Variants in FBXO28 observed in about 807,000 individuals in gnomAD.
The protein encoded by FBXO28 is F-box only protein 28.
FBXO28 carries 8 observed loss-of-function variants against 38.1 expected under a neutral mutation model. The observed-to-expected ratio is 0.21, with a 90% CI of 0.12 to 0.38. The LOEUF is 0.38. FBXO28 is among the 10% of genes least tolerant of loss of function. The pLI is 1.00. For synonymous variants in FBXO28, 168 were observed against 173.8 expected, an observed-to-expected ratio of 0.97 and a Z score of 0.26; for missense variants, 345 against 460.6, an observed-to-expected ratio of 0.75 and a Z score of 2.30.
At chr1:224,150,071 C>T (rs1312809878) in intron 3 of FBXO28, among the ~76,000 whole-genome samples, 1 of 120,320 alleles carries the variant, frequency 8.3e-6, no homozygotes, top group Non-Finnish European at 1.8e-5. Context: ...TGCCTGTAAT[C>T]CCAGCACTTT....
At position 224,133,553 on chromosome 1, in the gene FBXO28, A is replaced by G. The variant is rs887410187; in HGVS notation, c.378-521A>G. On this transcript the variant is annotated intron_variant, in intron 2 of 4. Transcript: ENST00000366862. Reference sequence around the variant, plus strand: ...TATTTTTGAGATGGAGTCTTGCTCTATCACCCAGGCTGGAGTGCAAGTGGT... The same window carrying G: ...TATTTTTGAGATGGAGTCTTGCTCTGTCACCCAGGCTGGAGTGCAAGTGGT... Among the ~76,000 whole-genome samples, 7 of 152,018 alleles carry G rather than the reference A, an allele frequency of 4.6e-5. No individual in the cohort carries two copies. The East Asian group carries it at 5.8e-4, about 13-fold the overall frequency.
chr1:224,150,109 A>AG (rs1657605843), intron 3 of FBXO28, among the ~76,000 whole-genome samples: 1 of 152,246 alleles, frequency 6.6e-6, no homozygotes, highest in Non-Finnish European at 1.5e-5. Context: ...AGATCACCTG[A>AG]GGTCAGGAGT....
chr1:224,151,179 A>T (rs1657639636), intron 3 of FBXO28, among the ~76,000 whole-genome samples: 1 of 152,180 alleles, frequency 6.6e-6, no homozygotes, highest in South Asian at 2.1e-4. Flanking sequence ...ATCAGCCATC[A>T]TCCAAAATTC....
intron 1 of FBXO28, among the ~76,000 whole-genome samples, chr1:224,128,563 A>G (rs1656959140): frequency 6.6e-6 from 1 of 152,210 alleles, no homozygotes; most frequent in South Asian, 2.1e-4. Flanking sequence ...CCTATGGGTT[A>G]GGTATTATCC....
chr1:224,148,467 G>A (rs904611343), intron 3 of FBXO28, among the ~76,000 whole-genome samples: 3 of 151,918 alleles, frequency 2.0e-5, no homozygotes, highest in South Asian at 2.1e-4. Context: ...TGCCTAACAC[G>A]GTGAAACCCT....
intron 4 of FBXO28, 38 bp from the exon 5 acceptor site, chr1:224,157,313 AT>A: frequency 5.2e-6 from 8 of 1,543,848 alleles, no homozygotes; most frequent in Non-Finnish European, 7.0e-6. Context: ...GTAGAGAGAC[AT>A]TTTAAGTGAC....
intron 3 of FBXO28, among the ~76,000 whole-genome samples, chr1:224,146,505 G>A (rs1193762803): frequency 6.6e-6 from 1 of 152,024 alleles, no homozygotes; most frequent in South Asian, 2.1e-4. Flanking sequence ...TATATAATTT[G>A]TTACTGTACC....
rs548533423 is a variant in FBXO28 at position 224,161,353 on chromosome 1, T to C, written c.*3607T>C. 3.9e-5 allele frequency: 6 copies of C among 152,308 alleles called. No homozygotes were observed. In the East Asian group the frequency reaches 1.2e-3, roughly 29 times the overall value. The allele number at this position is 152,308 out of a possible 1,614,324, so 9.4% of individuals were successfully genotyped here. ...TACCAAACTCTCTAAAAACATATAC[T>C]GTGAGTAAGATTTGAAGCCAGGAAT... On this transcript the variant is annotated 3_prime_UTR_variant, in exon 5 of 5. Coordinates refer to ENST00000366862, the MANE Select transcript of FBXO28 (RefSeq NM_015176.4).
At chr1:224,144,020 A>G (rs1012517896) in intron 3 of FBXO28, among the ~76,000 whole-genome samples, 1 of 150,896 alleles carries the variant, frequency 6.6e-6, no homozygotes, top group Non-Finnish European at 1.5e-5. Context: ...GCATGGTGGC[A>G]TGCACCTGTA....
At chr1:224,126,289 T>G (rs1486021850) in intron 1 of FBXO28, among the ~76,000 whole-genome samples, 1 of 152,246 alleles carries the variant, frequency 6.6e-6, no homozygotes, top group African/African-American at 2.4e-5. Context: ...TTAGCTAGAT[T>G]CAGTGCAGCA....
chr1:224,137,780 G>A (rs962173062), intron 3 of FBXO28, among the ~76,000 whole-genome samples: 8 of 151,972 alleles, frequency 5.3e-5, no homozygotes, highest in Admixed American at 2.6e-4. Flanking sequence ...AGGAAGGTTG[G>A]TTGAGAATCT....
chr1:224,122,023 C>T (rs544332089), intron 1 of FBXO28, among the ~76,000 whole-genome samples: 2 of 152,362 alleles, frequency 1.3e-5, no homozygotes, highest in South Asian at 2.1e-4. Context: ...ATCCACCTGC[C>T]TTGGCCTCGC....
At chr1:224,133,914 TAGTG>T (rs1286516060) in intron 2 of FBXO28, among the ~76,000 whole-genome samples, 156 bp from the exon 3 acceptor site, 3 of 152,140 alleles carry the variant, frequency 2.0e-5, no homozygotes, top group Non-Finnish European at 4.4e-5. Context: ...TTTCTAGGCA[TAGTG>T]ATTCATTCAT....
At chr1:224,151,207 C>G (rs1474553810) in intron 3 of FBXO28, among the ~76,000 whole-genome samples, 2 of 152,182 alleles carry the variant, frequency 1.3e-5, no homozygotes, top group Non-Finnish European at 2.9e-5. Context: ...GAACTCCCAT[C>G]CTGTATCTCA....
intron 1 of FBXO28, 23 bp from the exon 2 acceptor site, chr1:224,130,449 T>TTTG (rs3065998): frequency 1 from 1,521,404 of 1,525,334 alleles, 758,820 homozygotes; most frequent in South Asian, 1. Flanking sequence ...GTTATTGATT[T>TTTG]TTGTTCTTTT....
rs1229420342 is a variant in FBXO28, at chr1:224,157,376, C to A, written c.737C>A (p.Thr246Lys). Residue 246 changes from threonine (T) to lysine (K), a missense_variant, in exon 5 of 5, where the codon ACA (threonine) becomes AAA (lysine). By Grantham distance (78) the Thr-to-Lys change is moderately conservative. Coordinates refer to ENST00000366862, the MANE Select transcript of FBXO28 (RefSeq NM_015176.4). The stretch of plus-strand genomic sequence containing the variant: ...GTTCCAGGACCGTCTGCAGCCCTAA[C>A]AACAATGCAGCTCTTCTCCAAGCAA... ...PPVPGPSAAL[T>K]TMQLFSKQNP... 1.2e-6 allele frequency: 2 copies of A among 1,612,930 alleles called. No homozygotes were observed. The highest frequency in any genetic ancestry group is 2.2e-5 in the East Asian group (1 of 44,882).
chr1:224,122,191 G>C (rs1318152936), intron 1 of FBXO28, among the ~76,000 whole-genome samples: 1 of 152,204 alleles, frequency 6.6e-6, no homozygotes, highest in East Asian at 1.9e-4. Context: ...GACAAGAGAA[G>C]AGCCAGAATG....
intron 1 of FBXO28, among the ~76,000 whole-genome samples, chr1:224,123,442 C>CAAA (rs10647785): frequency 0.14 from 9,130 of 63,276 alleles, 1,031 homozygotes; most frequent in Middle Eastern, 0.24. Context: ...GACCCTGTCT[C>CAAA]AAAAAAAAAA....
rs57616453 is a variant in FBXO28, at chr1:224,152,925, C to CAA, written c.517-190_517-189dup. Among the ~76,000 whole-genome samples, 49 of 64,904 alleles carry CAA rather than the reference C, an allele frequency of 7.5e-4. 1 individual carries two copies. The highest frequency in any genetic ancestry group is 2.8e-3 in the African/African-American group (44 of 15,472). 42.6% of individuals were successfully genotyped at this position (64,904 alleles called of 152,430 possible). A position where few individuals can be genotyped will look rare whatever the true frequency, so the allele number is the denominator to read the frequency against. Reference sequence around the variant, plus strand: ...TTGGGCAACGAGTGAAACTCTGTCTCAAAAAAAAAAAAAAAAAAAAAAAAA... The same window carrying CAA: ...TTGGGCAACGAGTGAAACTCTGTCTCAAAAAAAAAAAAAAAAAAAAAAAAAAA... On this transcript the variant is annotated intron_variant, in intron 3 of 4. Transcript: ENST00000366862.
Sources: allele counts gnomAD v4.1 joint callset (sites outside exome capture counted in the v4.1 genomes callset), GRCh38; gene constraint gnomAD v4.1.1; transcripts MANE v1.5; gene names NCBI Gene and HGNC (gene_info 2026-07-23, HGNC 2026-07-21).